RFC3: variants seen among roughly 807,000 people sequenced by gnomAD.
RFC3 encodes the protein A1 38 kDa subunit.
RFC3 carries 41 observed loss-of-function variants against 45.1 expected under a neutral mutation model. That is an observed-to-expected ratio of 0.91 (90% CI 0.71 to 1.18). The LOEUF (loss-of-function observed/expected upper bound fraction) is 1.18, where lower values mean the gene tolerates loss of function less well. RFC3 is among the 50% of genes most tolerant of loss of function. The pLI is 0.00. For missense variants in RFC3, 423 were observed against 428.1 expected, an observed-to-expected ratio of 0.99 and a Z score of 0.10; for synonymous variants, 149 against 144.0, an observed-to-expected ratio of 1.03 and a Z score of -0.25.
chr13:33,840,344 C>G (rs1175374090), downstream of RFC3, among the ~76,000 whole-genome samples: 1 of 151,984 alleles, frequency 6.6e-6, no homozygotes, highest in Non-Finnish European at 1.5e-5. Flanking sequence ...TCATTTGCTG[C>G]TTTTTTATAT....
intron 8 of RFC3, among the ~76,000 whole-genome samples, chr13:33,859,176 G>A (rs191268071): frequency 2.2e-4 from 33 of 152,284 alleles, no homozygotes; most frequent in Admixed American, 2.2e-3. Context: ...CATGTTTGCT[G>A]TGAGAGTCAA....
At chr13:33,922,070 C>T (rs1437511104) in intron 8 of RFC3, among the ~76,000 whole-genome samples, 1 of 151,726 alleles carries the variant, frequency 6.6e-6, no homozygotes, top group Non-Finnish European at 1.5e-5. Flanking sequence ...ACACTTATTA[C>T]CTGTTTAAAG....
intron 8 of RFC3, among the ~76,000 whole-genome samples, chr13:33,890,741 C>G (rs907273533): frequency 6.6e-6 from 1 of 152,124 alleles, no homozygotes; most frequent in Admixed American, 6.5e-5. Context: ...GATGGTTTCA[C>G]CATCTTATTG....
chr13:33,868,608 A>T (rs901897263), intron 8 of RFC3, among the ~76,000 whole-genome samples: 1 of 152,182 alleles, frequency 6.6e-6, no homozygotes, highest in African/African-American at 2.4e-5. Flanking sequence ...CTTCATTTAC[A>T]TAGAGTGTAA....
At chr13:33,936,333 T>C (rs1462007553) in intron 8 of RFC3, among the ~76,000 whole-genome samples, 1 of 152,072 alleles carries the variant, frequency 6.6e-6, no homozygotes, top group African/African-American at 2.4e-5. Context: ...TGGATTTGTA[T>C]GGAGTAATTT....
Position 33,837,184 on chromosome 13 carries a change from C to A in RFC3, c.*889C>A. 1 of 449,646 alleles carries A rather than the reference C, an allele frequency of 2.2e-6. No homozygotes were observed. The highest frequency in any genetic ancestry group is 2.9e-6 in the Non-Finnish European group (1 of 340,604). 27.9% of individuals were successfully genotyped at this position (449,646 alleles called of 1,614,324 possible). A position where few individuals can be genotyped will look rare whatever the true frequency, so the allele number is the denominator to read the frequency against. On this transcript the variant is annotated 3_prime_UTR_variant, in exon 9 of 9. Coordinates refer to ENST00000380071, the MANE Select transcript of RFC3 (RefSeq NM_002915.4). ...ATGATCCCAATCAAGGTATAGATGC[C>A]GTCACCCCAAAAAGTTCCCTCCATA...
intron 4 of RFC3, among the ~76,000 whole-genome samples, chr13:33,826,087 G>T (rs1242270982): frequency 6.6e-6 from 1 of 152,014 alleles, no homozygotes; most frequent in African/African-American, 2.4e-5. Flanking sequence ...ATAAAAATAC[G>T]TGATTTAAAA....
intron 8 of RFC3, among the ~76,000 whole-genome samples, chr13:33,955,342 G>T (rs1219267114): frequency 1.3e-5 from 2 of 152,194 alleles, no homozygotes; most frequent in Middle Eastern, 3.4e-3. Context: ...GATATTTGTG[G>T]GTATTTTTTT....
intron 8 of RFC3, among the ~76,000 whole-genome samples, chr13:33,921,877 C>T (rs966512648): frequency 1.3e-5 from 2 of 152,102 alleles, no homozygotes; most frequent in African/African-American, 2.4e-5. Context: ...GTAGTAGGGA[C>T]ATATAGAATT....
At chr13:33,930,672 A>G (rs773261675) in intron 8 of RFC3, among the ~76,000 whole-genome samples, 21 of 152,140 alleles carry the variant, frequency 1.4e-4, no homozygotes, top group Non-Finnish European at 2.6e-4. Flanking sequence ...TAACCATCAC[A>G]TAGCTCTTTT....
Position 33,956,526 on chromosome 13 carries a change from T to C in RFC3, c.880-9561T>C, listed in dbSNP as rs2083022989. Among the ~76,000 whole-genome samples, 6 of 152,352 alleles carry C rather than the reference T, an allele frequency of 3.9e-5. No individual in the cohort carries two copies. In the South Asian group the frequency reaches 1.2e-3, roughly 32 times the overall value. ...ATATGCTACAGGAGATGTTCTAACC[T>C]ACAAATAAAATACATTATCTCATAC... On this transcript the variant is annotated intron_variant, in intron 8 of 8. Transcript: ENST00000434425.
intron 8 of RFC3, among the ~76,000 whole-genome samples, chr13:33,919,424 G>A (rs1446598805): frequency 1.3e-5 from 2 of 151,900 alleles, no homozygotes; most frequent in Admixed American, 6.6e-5. Flanking sequence ...AGTTCTTCTA[G>A]AAAGCTATTA....
intron 8 of RFC3, among the ~76,000 whole-genome samples, chr13:33,938,459 A>T (rs762827546): frequency 6.6e-5 from 10 of 152,182 alleles, no homozygotes; most frequent in Non-Finnish European, 1.5e-4. Context: ...CAGATTAAGA[A>T]GCATATCATC....
rs3135533 is a variant in RFC3, at chr13:33,818,224, C to G, written c.46C>G (p.Leu16Val). The change falls in exon 1 of 9, where the codon CTG (leucine) becomes GTG (valine). Residue 16 changes from leucine to valine, a missense_variant. Transcript: ENST00000380071. ...GTATCGGCCCTGCTCCTTGGGACGG[C>G]TGGACTATCACAAGGAGCAGGCGGC... ...DKYRPCSLGRLDYHKEQAAQL... is the reference protein window; with the variant it reads ...DKYRPCSLGRVDYHKEQAAQL... 53 of 1,613,492 alleles carry G rather than the reference C, an allele frequency of 3.3e-5. No individual in the cohort carries two copies. In the East Asian group the frequency reaches 1.2e-3, roughly 35 times the overall value.
In RFC3 at chr13:33,911,909, A is replaced by G. The variant is rs1035157982; in HGVS notation, c.880-54178A>G. Among the ~76,000 whole-genome samples the G allele has an allele frequency of 2.0e-5, 3 of 152,136 alleles. No homozygotes were observed. The East Asian group carries it at 5.8e-4, about 30-fold the overall frequency. ...GTGCGGACGAACAAACCATATCCAA[A>G]CTATAGCAAAGACATTAATGCTTCT... On this transcript the variant is annotated intron_variant, in intron 8 of 8. Coordinates refer to the RFC3 transcript ENST00000434425.
chr13:33,905,345 A>G (rs1555239886), intron 8 of RFC3, among the ~76,000 whole-genome samples: 1 of 152,132 alleles, frequency 6.6e-6, no homozygotes, highest in African/African-American at 2.4e-5. Context: ...CTACAATCAC[A>G]GATAGCCAGG....
intron 8 of RFC3, among the ~76,000 whole-genome samples, chr13:33,912,449 T>C (rs1044581555): frequency 2.0e-5 from 3 of 152,060 alleles, no homozygotes; most frequent in Non-Finnish European, 4.4e-5. Flanking sequence ...AATTTCAGCA[T>C]TGAGCTTTGA....
At chr13:33,831,514 TG>T (rs3135606) in intron 7 of RFC3, among the ~76,000 whole-genome samples, 160 bp downstream of exon 7, 27,311 of 150,296 alleles carry the variant, frequency 0.18, 3,706 homozygotes, top group African/African-American at 0.36. Context: ...AGAAATTTAG[TG>T]GTTCAGAATA....
intron 8 of RFC3, among the ~76,000 whole-genome samples, chr13:33,901,860 AC>A (rs1294793993): frequency 6.6e-6 from 1 of 152,102 alleles, no homozygotes; most frequent in African/African-American, 2.4e-5. Context: ...AAACAAAAAA[AC>A]AAAATCTCAT....
Sources: gnomAD v4.1 joint callset for allele counts (sites outside exome capture counted in the v4.1 genomes callset) on GRCh38, gnomAD v4.1.1 for gene constraint, MANE v1.5 for transcripts, NCBI Gene and HGNC (gene_info 2026-07-23, HGNC 2026-07-21) for gene names.